The following LRRC38 variants were observed in gnomAD, a reference collection of about 807,000 sequenced individuals.
LRRC38 encodes the protein leucine rich repeat containing 38, also known as leucine-rich repeat-containing protein 38.
LRRC38 carries 5 observed loss-of-function variants against 16.4 expected under a neutral mutation model. That is an observed-to-expected ratio of 0.31 (90% CI 0.16 to 0.64). The LOEUF is 0.64. Ranked by LOEUF, LRRC38 falls within the 30% of genes least tolerant of loss-of-function variation. The pLI is 0.80. For missense variants in LRRC38, 341 were observed against 401.8 expected (o/e 0.85, Z 1.29); for synonymous variants, 191 against 190.2 (o/e 1.00, Z -0.04).
At chr1:13,512,689 T>C (rs3845609) in intron 1 of LRRC38, among the ~76,000 whole-genome samples, 15,276 of 152,144 alleles carry the variant, frequency 0.1, 862 homozygotes, top group South Asian at 0.15. Flanking sequence ...GAGATGATCC[T>C]GGGCATCCCG....
chr1:13,513,443 G>A lies in LRRC38; in HGVS notation c.151C>T (p.Pro51Ser), dbSNP rs1372243040. ...CGCACGTCCAGGGGGAAAGGGTCTG[G>A]CACGCTGGGCAGCCCGCGGTCGCGG... ...DCRDRGLPSV[P>S]DPFPLDVRKL... The change falls in exon 1 of 2, where the codon CCA (proline) becomes TCA (serine). Residue 51 changes from proline to serine, a missense_variant. Physicochemically the swap from Pro to Ser is moderately conservative, Grantham distance 74. Coordinates refer to ENST00000376085, the MANE Select transcript of LRRC38 (RefSeq NM_001010847.2). 49 of 1,548,696 alleles carry A rather than the reference G, an allele frequency of 3.2e-5. No individual in the cohort carries two copies. Among genetic ancestry groups the A allele is most frequent in the Non-Finnish European group, 2.6e-6 (3 of 1,145,786 alleles).
chr1:13,502,537 G>T (rs1569934291), intron 1 of LRRC38, among the ~76,000 whole-genome samples: 1 of 152,180 alleles, frequency 6.6e-6, no homozygotes, highest in Non-Finnish European at 1.5e-5. Flanking sequence ...TTGTGGCCTG[G>T]ACCGTCACCC....
At chr1:13,502,448 C>T (rs1639162341) in intron 1 of LRRC38, among the ~76,000 whole-genome samples, 1 of 152,034 alleles carries the variant, frequency 6.6e-6, no homozygotes, top group African/African-American at 2.4e-5. Context: ...GGTTCCTCAC[C>T]CGCTCACCAC....
chr1:13,488,266 CTTT>C lies in LRRC38; in HGVS notation c.632-12170_632-12168del, dbSNP rs113805396. ...ATGCTGCTATGAACAGCCTTGCACA[CTTT>C]TTTTTTTTTTTTTGTCTGAGACAGA... is the stretch of plus-strand genomic sequence containing the variant. On this transcript the variant is annotated intron_variant, in intron 1 of 1. Coordinates refer to ENST00000376085, the MANE Select transcript of LRRC38 (RefSeq NM_001010847.2). Among the ~76,000 whole-genome samples the C allele has an allele frequency of 3.7e-3, 525 of 140,312 alleles. 4 individuals carry two copies. Among genetic ancestry groups the C allele is most frequent in the Non-Finnish European group, 5.0e-3 (325 of 64,856 alleles). The allele number at this position is 140,312 out of a possible 152,430, so 92.1% of individuals were successfully genotyped here. A position where few individuals can be genotyped will look rare whatever the true frequency, so the allele number is the denominator to read the frequency against.
At chr1:13,483,393 C>T (rs1224321829) in intron 1 of LRRC38, among the ~76,000 whole-genome samples, 6 of 152,310 alleles carry the variant, frequency 3.9e-5, no homozygotes, top group Admixed American at 3.9e-4. Context: ...AGGTGATCCA[C>T]CTGCCTCGGC....
chr1:13,502,084 C>G (rs570886759), intron 1 of LRRC38, among the ~76,000 whole-genome samples: 1 of 150,156 alleles, frequency 6.7e-6, no homozygotes, highest in African/African-American at 2.5e-5. Flanking sequence ...CACGCTGCCA[C>G]GCCCAGCCAA....
chr1:13,492,530 C>T (rs986072676), intron 1 of LRRC38, among the ~76,000 whole-genome samples: 6 of 152,046 alleles, frequency 3.9e-5, no homozygotes, highest in African/African-American at 1.2e-4. Flanking sequence ...GCACAACCCC[C>T]ATGTCTACTA....
chr1:13,477,785 G>A (rs531940122), intron 1 of LRRC38, among the ~76,000 whole-genome samples: 23 of 152,252 alleles, frequency 1.5e-4, no homozygotes, highest in South Asian at 1.2e-3. Flanking sequence ...CTATGATCAC[G>A]CCACTGCACT....
In LRRC38 at chr1:13,475,830, G is replaced by T; in HGVS notation, c.*16C>A. 1 of 1,547,266 alleles carries T rather than the reference G, an allele frequency of 6.5e-7. No individual in the cohort carries two copies. Among genetic ancestry groups the T allele is most frequent in the South Asian group, 1.2e-5 (1 of 83,918 alleles). On this transcript the variant is annotated 3_prime_UTR_variant, in exon 2 of 2. Coordinates refer to ENST00000376085, the MANE Select transcript of LRRC38 (RefSeq NM_001010847.2). The surrounding 1 kb of genome is among the most constrained non-coding windows in gnomAD (Gnocchi z 4.3). ...GTTCGGTGCTGGAGAGTAAGAGGCA[G>T]GAGGGAGGAGGTGGCTCAGTCATCC...
chr1:13,475,980 T>C lies in LRRC38; in HGVS notation c.751A>G (p.Ile251Val), dbSNP rs1638783138. The stretch of plus-strand genomic sequence containing the variant: ...GACACGGCCACACCGGAGAAAATGA[T>C]GATGCAGAGGTCTGTGAGTGACAGG... The part of the protein sequence containing the change: ...FSLSLTDLCI[I>V]IFSGVAVSIA... The change falls in exon 2 of 2, where the codon ATC becomes GTC. Residue 251 changes from isoleucine to valine, a missense_variant. Coordinates refer to ENST00000376085, the MANE Select transcript of LRRC38 (RefSeq NM_001010847.2). The surrounding 1 kb of genome is among the most constrained non-coding windows in gnomAD (Gnocchi z 4.3). 6.4e-7 allele frequency: 1 copy of C among 1,550,412 alleles called. No homozygotes were observed. The highest frequency in any genetic ancestry group is 8.7e-7 in the Non-Finnish European group (1 of 1,146,960).
Position 13,476,012 on chromosome 1 carries a change from C to T in LRRC38, c.719G>A (p.Arg240Lys). The change falls in exon 2 of 2, where the codon AGG (arginine) becomes AAG (lysine). Residue 240 changes from arginine to lysine, a missense_variant. By Grantham distance (26) the Arg-to-Lys change is conservative. Transcript: ENST00000376085. Reference protein sequence around the residue: ...ELSEASFSECRFSLSLTDLCI... With the variant: ...ELSEASFSECKFSLSLTDLCI... ...GAGGTCTGTGAGTGACAGGCTGAAC[C>T]TACACTCGCTGAAGCTGGCCTCCGA... is the stretch of plus-strand genomic sequence containing the variant. 1.3e-6 allele frequency: 2 copies of T among 1,550,506 alleles called. No individual in the cohort carries two copies. The highest frequency in any genetic ancestry group is 1.7e-6 in the Non-Finnish European group (2 of 1,146,974).
At chr1:13,482,562 C>G (rs960128607) in intron 1 of LRRC38, among the ~76,000 whole-genome samples, 2 of 145,866 alleles carry the variant, frequency 1.4e-5, no homozygotes, top group East Asian at 4.0e-4. Flanking sequence ...CTTGCGCTAC[C>G]GAATAAGACT....
intron 1 of LRRC38, among the ~76,000 whole-genome samples, chr1:13,480,801 T>A (rs891305129): frequency 2.0e-5 from 3 of 152,144 alleles, no homozygotes; most frequent in Admixed American, 2.0e-4. Context: ...TAAACCTCTT[T>A]CCTTTATAAA....
chr1:13,481,381 T>A (rs1246178921), intron 1 of LRRC38, among the ~76,000 whole-genome samples: 1 of 127,820 alleles, frequency 7.8e-6, no homozygotes, highest in Non-Finnish European at 1.7e-5. Context: ...CTTATGTTTT[T>A]TTTATTTTTT....
chr1:13,479,765 C>G (rs1638829388), intron 1 of LRRC38, among the ~76,000 whole-genome samples: 1 of 152,108 alleles, frequency 6.6e-6, no homozygotes, highest in African/African-American at 2.4e-5. Flanking sequence ...GCCAGGCAGA[C>G]AGGGCCCAGC....
intron 1 of LRRC38, among the ~76,000 whole-genome samples, chr1:13,508,261 T>C (rs1639234582): frequency 6.6e-6 from 1 of 152,046 alleles, no homozygotes; most frequent in Non-Finnish European, 1.5e-5. Context: ...AAGCATAGAC[T>C]TTCACCCTGT....
At chr1:13,481,036 T>C (rs932707741) in intron 1 of LRRC38, among the ~76,000 whole-genome samples, 2 of 152,150 alleles carry the variant, frequency 1.3e-5, no homozygotes, top group Admixed American at 6.5e-5. Context: ...TGTGATGGTA[T>C]CTGGAGGTGA....
chr1:13,512,930 C>CCTCT, intron 1 of LRRC38, 33 bp downstream of exon 1: 1 of 1,356,706 alleles, frequency 7.4e-7, no homozygotes, highest in Non-Finnish European at 1.0e-6. Context: ...TGCCCCCCTC[C>CCTCT]CTCCCTCCCC....
intron 1 of LRRC38, among the ~76,000 whole-genome samples, chr1:13,485,969 G>T (rs1349528885): frequency 6.6e-6 from 1 of 152,140 alleles, no homozygotes; most frequent in African/African-American, 2.4e-5. Flanking sequence ...GTCTCGCTCT[G>T]TCACCCTCAC....
Sources: gnomAD v4.1 joint callset for allele counts (sites outside exome capture counted in the v4.1 genomes callset) on GRCh38, gnomAD v4.1.1 for gene constraint, Gnocchi (gnomAD v3.1) non-coding constraint, MANE v1.5 for transcripts, NCBI Gene and HGNC (gene_info 2026-07-23, HGNC 2026-07-21) for gene names.